RERG: variants seen among roughly 807,000 people sequenced by gnomAD.
The protein encoded by RERG is RAS like estrogen regulated growth inhibitor.
Under a neutral mutation model 23.2 loss-of-function variants are expected in RERG, and 25 were observed. That is an observed-to-expected ratio of 1.08 (90% CI 0.79 to 1.50). RERG has a LOEUF of 1.50. Ranked by LOEUF, RERG falls within the 40% of genes most tolerant of loss-of-function variation. RERG has a pLI of 0.00. For synonymous variants in RERG, 81 were observed against 89.1 expected (o/e 0.91, Z 0.51); for missense variants, 253 against 250.1 (o/e 1.01, Z -0.08).
intron 2 of RERG, among the ~76,000 whole-genome samples, chr12:15,210,464 T>TC (rs960063981): frequency 9.2e-5 from 14 of 152,126 alleles, no homozygotes; most frequent in African/African-American, 4.8e-5. Context: ...CAGTATTGTT[T>TC]CCCCCCCAAT....
chr12:15,134,383 CT>C (rs1187865482), intron 2 of RERG, among the ~76,000 whole-genome samples: 15 of 152,060 alleles, frequency 9.9e-5, no homozygotes, highest in African/African-American at 3.6e-4. Context: ...ATTTTCTCCA[CT>C]CTATTATCTT....
chr12:15,122,788 G>GTTTTTTT (rs894900450), intron 2 of RERG, among the ~76,000 whole-genome samples: 1 of 140,806 alleles, frequency 7.1e-6, no homozygotes, highest in Non-Finnish European at 1.6e-5. Flanking sequence ...CTACGTAGTT[G>GTTTTTTT]TTTTTTTTTT....
At chr12:15,197,345 G>A in intron 2 of RERG, among the ~76,000 whole-genome samples, 1 of 152,148 alleles carries the variant, frequency 6.6e-6, no homozygotes, top group Non-Finnish European at 1.5e-5. Flanking sequence ...ATTGGGAGAT[G>A]TTTGTGTCCT....
At chr12:15,144,144 A>C (rs570427676) in intron 2 of RERG, among the ~76,000 whole-genome samples, 2 of 152,280 alleles carry the variant, frequency 1.3e-5, no homozygotes, top group African/African-American at 4.8e-5. Context: ...AAATTGGAAG[A>C]ATGAAGTTCC....
At chr12:15,210,315 T>C (rs1043644004) in intron 2 of RERG, among the ~76,000 whole-genome samples, 6 of 152,214 alleles carry the variant, frequency 3.9e-5, no homozygotes, top group East Asian at 1.9e-4. Context: ...TACAGAAACA[T>C]TGCAATGAAT....
chr12:15,137,123 A>G (rs188179297), intron 2 of RERG, among the ~76,000 whole-genome samples: 17 of 151,810 alleles, frequency 1.1e-4, no homozygotes, highest in African/African-American at 3.4e-4. Context: ...TATTACTAAG[A>G]CTTCTTGGAT....
chr12:15,122,029 TA>T (rs3084667), intron 2 of RERG, among the ~76,000 whole-genome samples: 241 of 149,032 alleles, frequency 1.6e-3, no homozygotes, highest in Non-Finnish European at 2.8e-3. Context: ...GGTTTTAAAT[TA>T]AAAAAAAAAA....
chr12:15,168,260 T>C (rs7956634), intron 2 of RERG, among the ~76,000 whole-genome samples: 43,063 of 152,050 alleles, frequency 0.28, 7,552 homozygotes, highest in African/African-American at 0.5. Flanking sequence ...AATATAAGCA[T>C]CATTTAGCTT....
At chr12:15,128,381 A>T (rs1863985491) in intron 2 of RERG, among the ~76,000 whole-genome samples, 1 of 152,236 alleles carries the variant, frequency 6.6e-6, no homozygotes, top group Non-Finnish European at 1.5e-5. Context: ...GCTAAAAGCA[A>T]ATGTTTTCTT....
At chr12:15,123,210 A>C (rs956968225) in intron 2 of RERG, among the ~76,000 whole-genome samples, 9 of 152,212 alleles carry the variant, frequency 5.9e-5, no homozygotes, top group Non-Finnish European at 1.3e-4. Context: ...CTTCAATTCC[A>C]AAACCATTTA....
At chr12:15,161,138 A>AAGAAAGAAAGAAAG (rs1864598711) in intron 2 of RERG, among the ~76,000 whole-genome samples, 2 of 41,580 alleles carry the variant, frequency 4.8e-5, no homozygotes, top group Non-Finnish European at 9.1e-5. Context: ...CCATCTCAGA[A>AAGAAAGAAAGAAAG]AAAGAAAGAA....
chr12:15,207,955 C>T (rs1469946520), intron 2 of RERG, among the ~76,000 whole-genome samples: 1 of 152,088 alleles, frequency 6.6e-6, no homozygotes, highest in Non-Finnish European at 1.5e-5. Flanking sequence ...GTGAATCTGG[C>T]TGGGCTATAG....
At chr12:15,163,592 G>A (rs1288356759) in intron 2 of RERG, among the ~76,000 whole-genome samples, 1 of 152,162 alleles carries the variant, frequency 6.6e-6, no homozygotes, top group Non-Finnish European at 1.5e-5. Context: ...ACCACTCTAC[G>A]TCTTTCAAAC....
At chr12:15,207,062 C>T (rs1865301964) in intron 2 of RERG, among the ~76,000 whole-genome samples, 1 of 152,082 alleles carries the variant, frequency 6.6e-6, no homozygotes, top group South Asian at 2.1e-4. Context: ...CGTGCCTGCA[C>T]CAAGAACCAA....
At chr12:15,210,654 G>A (rs944381710) in intron 2 of RERG, among the ~76,000 whole-genome samples, 1 of 151,934 alleles carries the variant, frequency 6.6e-6, no homozygotes, top group Non-Finnish European at 1.5e-5. Flanking sequence ...ATACAAGAAA[G>A]GTCAGTGATG....
chr12:15,171,954 A>G (rs1467926754), intron 2 of RERG, among the ~76,000 whole-genome samples: 1 of 152,198 alleles, frequency 6.6e-6, no homozygotes, highest in Non-Finnish European at 1.5e-5. Context: ...AAAGCTACAT[A>G]CAGCTTTTTA....
At chr12:15,163,957 G>T (rs1228514956) in intron 2 of RERG, among the ~76,000 whole-genome samples, 1 of 152,112 alleles carries the variant, frequency 6.6e-6, no homozygotes, top group African/African-American at 2.4e-5. Flanking sequence ...AAACATTGTG[G>T]TTTTTCCTTT....
intron 2 of RERG, among the ~76,000 whole-genome samples, chr12:15,167,505 A>G (rs1412685338): frequency 6.6e-6 from 1 of 152,076 alleles, no homozygotes; most frequent in Non-Finnish European, 1.5e-5. Flanking sequence ...CATTTCTAAG[A>G]CGGTGCTGGT....
chr12:15,206,485 C>T (rs1353724458), intron 2 of RERG, among the ~76,000 whole-genome samples: 1 of 152,132 alleles, frequency 6.6e-6, no homozygotes, highest in Non-Finnish European at 1.5e-5. Flanking sequence ...GAGTACTCAG[C>T]AAACTTAACA....
Sources: allele counts gnomAD v4.1 joint callset (sites outside exome capture counted in the v4.1 genomes callset), GRCh38; gene constraint gnomAD v4.1.1; transcripts MANE v1.5; gene names NCBI Gene and HGNC (gene_info 2026-07-23, HGNC 2026-07-21).